UNC5D: variants seen among roughly 807,000 people sequenced by gnomAD.
The protein encoded by UNC5D is unc-5 netrin receptor D, also known as netrin receptor UNC5D.
In UNC5D, 39 loss-of-function variants were observed where a neutral mutation model predicts 105.4. The observed-to-expected ratio is 0.37, with a 90% confidence interval of 0.29 to 0.48. The LOEUF (loss-of-function observed/expected upper bound fraction) is 0.48, where lower values mean the gene tolerates loss of function less well. UNC5D is among the 20% of genes least tolerant of loss of function. The pLI, the probability that UNC5D is intolerant of heterozygous loss-of-function variation, is 0.98. For missense variants in UNC5D, 991 were observed against 1,202.4 expected (o/e 0.82, Z 2.60); for synonymous variants, 452 against 450.4 (o/e 1.00, Z -0.04).
chr8:35,445,508 G>C (rs1402717960), intron 1 of UNC5D, among the ~76,000 whole-genome samples: 1 of 152,010 alleles, frequency 6.6e-6, no homozygotes, highest in Non-Finnish European at 1.5e-5. Context: ...GTCTTAAGGG[G>C]TTGGTACTAT....
At chr8:35,539,363 A>G (rs1420214582) in intron 1 of UNC5D, among the ~76,000 whole-genome samples, 1 of 152,184 alleles carries the variant, frequency 6.6e-6, no homozygotes, top group Non-Finnish European at 1.5e-5. Flanking sequence ...CCCTTTTACT[A>G]TATTGAACTA....
rs563531457 is a variant in UNC5D, at chr8:35,276,512, A to G, written c.103+40625A>G. ...TTTCAAGTCATCAGCATGGCTGTAC[A>G]TATTTTGAGATAGTTGCATGTAGCT... is the stretch of plus-strand genomic sequence containing the variant. On this transcript the variant is annotated intron_variant, in intron 1 of 16. Transcript: ENST00000404895. 5.9e-5 allele frequency among the ~76,000 whole-genome samples: 9 copies of G among 152,346 alleles called. No individual in the cohort carries two copies. The East Asian group carries it at 1.2e-3, about 20-fold the overall frequency.
chr8:35,349,969 T>C (rs555518140), intron 1 of UNC5D, among the ~76,000 whole-genome samples: 3 of 152,016 alleles, frequency 2.0e-5, no homozygotes, highest in African/African-American at 7.2e-5. Context: ...TGTGTCTACA[T>C]TGAATTGTCC....
intron 6 of UNC5D, among the ~76,000 whole-genome samples, chr8:35,685,538 G>A (rs1015556824): frequency 3.9e-5 from 6 of 152,100 alleles, no homozygotes; most frequent in Admixed American, 2.0e-4. Context: ...AGTTGCAATC[G>A]AAGTTAAGGT....
chr8:35,277,675 C>T (rs778567000), intron 1 of UNC5D, among the ~76,000 whole-genome samples: 1 of 152,102 alleles, frequency 6.6e-6, no homozygotes, highest in Non-Finnish European at 1.5e-5. Flanking sequence ...CTGCTCTTGA[C>T]TGTTTCTTTT....
At chr8:35,343,982 G>A (rs1216172578) in intron 1 of UNC5D, among the ~76,000 whole-genome samples, 2 of 152,096 alleles carry the variant, frequency 1.3e-5, no homozygotes, top group East Asian at 3.9e-4. Flanking sequence ...GTCCTGTACT[G>A]ATCAATGCTA....
At position 35,716,595 on chromosome 8, in the gene UNC5D, G is replaced by T. The variant is rs1193897547; in HGVS notation, c.1118-5615G>T. Among the ~76,000 whole-genome samples the T allele has an allele frequency of 9.2e-5, 14 of 152,306 alleles. No individual in the cohort carries two copies. The East Asian group carries it at 2.7e-3, about 29-fold the overall frequency. On this transcript the variant is annotated intron_variant, in intron 8 of 16. Coordinates refer to ENST00000404895, the MANE Select transcript of UNC5D (RefSeq NM_080872.4). Reference sequence around the variant, plus strand: ...TAGAAGGTTGTTGGAAGATTAAAATGAGTTAATAAATGTAAAGTCCTAGAA... The same window carrying T: ...TAGAAGGTTGTTGGAAGATTAAAATTAGTTAATAAATGTAAAGTCCTAGAA...
chr8:35,520,064 TTA>T (rs1813359321), intron 1 of UNC5D, among the ~76,000 whole-genome samples: 1 of 152,034 alleles, frequency 6.6e-6, no homozygotes, highest in Non-Finnish European at 1.5e-5. Flanking sequence ...TACACCTAGG[TTA>T]TACTCTACCC....
intron 3 of UNC5D, among the ~76,000 whole-genome samples, chr8:35,582,689 G>C (rs1818538435): frequency 6.6e-6 from 1 of 152,196 alleles, no homozygotes; most frequent in Non-Finnish European, 1.5e-5. Context: ...TTTTCTTGCT[G>C]CTGGGTTGGC....
chr8:35,600,291 G>T (rs1439923241), intron 4 of UNC5D, among the ~76,000 whole-genome samples: 1 of 152,182 alleles, frequency 6.6e-6, no homozygotes, highest in East Asian at 1.9e-4. Flanking sequence ...ATAGCAGAAT[G>T]ATTTATAATC....
intron 4 of UNC5D, among the ~76,000 whole-genome samples, chr8:35,640,712 T>A (rs1401836621): frequency 6.6e-6 from 1 of 152,198 alleles, no homozygotes; most frequent in Non-Finnish European, 1.5e-5. Context: ...AACGCAGAGA[T>A]GTTTTTCACA....
At chr8:35,433,911 G>T (rs1475758341) in intron 1 of UNC5D, among the ~76,000 whole-genome samples, 1 of 151,224 alleles carries the variant, frequency 6.6e-6, no homozygotes, top group Non-Finnish European at 1.5e-5. Context: ...TATACCAGTG[G>T]AACTTTCTTA....
chr8:35,529,917 G>T (rs1222192724), intron 1 of UNC5D, among the ~76,000 whole-genome samples: 1 of 150,810 alleles, frequency 6.6e-6, no homozygotes, highest in African/African-American at 2.4e-5. Context: ...CTTTGCTGAA[G>T]TTGCTTATCA....
chr8:35,328,314 T>C (rs555096905), intron 1 of UNC5D, among the ~76,000 whole-genome samples: 1 of 152,336 alleles, frequency 6.6e-6, no homozygotes, highest in South Asian at 2.1e-4. Context: ...CTAAAATCTT[T>C]TCAATCACAG....
At chr8:35,594,298 T>C (rs1586205257) in intron 3 of UNC5D, among the ~76,000 whole-genome samples, 1 of 152,226 alleles carries the variant, frequency 6.6e-6, no homozygotes, top group Non-Finnish European at 1.5e-5. Flanking sequence ...TGGCTTGCCG[T>C]GCTTGTTATT....
At chr8:35,357,560 C>G (rs1801630924) in intron 1 of UNC5D, among the ~76,000 whole-genome samples, 2 of 152,132 alleles carry the variant, frequency 1.3e-5, no homozygotes, top group Admixed American at 6.5e-5. Context: ...CCTCTTATTT[C>G]CCCCAGGATA....
At chr8:35,664,210 A>G (rs1307187259) in intron 4 of UNC5D, among the ~76,000 whole-genome samples, 1 of 152,160 alleles carries the variant, frequency 6.6e-6, no homozygotes, top group African/African-American at 2.4e-5. Flanking sequence ...CTGCCAACCT[A>G]AAGCCCACAA....
intron 1 of UNC5D, among the ~76,000 whole-genome samples, chr8:35,360,231 C>T (rs1224765631): frequency 6.6e-6 from 1 of 152,094 alleles, no homozygotes; most frequent in African/African-American, 2.4e-5. Flanking sequence ...TCACCATGTC[C>T]CAACATCAGT....
chr8:35,713,684 A>C (rs1437371283), intron 8 of UNC5D, among the ~76,000 whole-genome samples: 1 of 152,244 alleles, frequency 6.6e-6, no homozygotes, highest in East Asian at 1.9e-4. Context: ...ACTATCAAAA[A>C]TATTTTATAA....
Sources: gnomAD v4.1 joint callset for allele counts (sites outside exome capture counted in the v4.1 genomes callset) on GRCh38, gnomAD v4.1.1 for gene constraint, MANE v1.5 for transcripts, NCBI Gene and HGNC (gene_info 2026-07-23, HGNC 2026-07-21) for gene names.